The following COLEC10 variants were observed in gnomAD, a reference collection of about 807,000 sequenced individuals.
COLEC10 encodes collectin subfamily member 10.
Under a neutral mutation model 28.4 loss-of-function variants are expected in COLEC10, and 22 were observed. The ratio of observed to expected loss-of-function variants is 0.78; its 90% confidence interval spans 0.55 to 1.11. The LOEUF (loss-of-function observed/expected upper bound fraction) is 1.11. Among genes scored for constraint, COLEC10 ranks in the 50% least tolerant of loss-of-function variants. COLEC10 has a pLI of 0.00. For synonymous variants in COLEC10, 125 were observed against 116.1 expected (o/e 1.08, Z -0.49); for missense variants, 361 against 344.1 (o/e 1.05, Z -0.39).
At chr8:119,041,575 C>T (rs1038704631) in intron 2 of COLEC10, among the ~76,000 whole-genome samples, 9 of 152,116 alleles carry the variant, frequency 5.9e-5, no homozygotes, top group Non-Finnish European at 1.2e-4. Context: ...GAATTTTTTG[C>T]ACCTCATTTT....
intron 3 of COLEC10, among the ~76,000 whole-genome samples, chr8:119,097,705 G>A (rs1298222922): frequency 1.6e-4 from 25 of 151,984 alleles, no homozygotes; most frequent in Admixed American, 1.4e-3. Flanking sequence ...AAGACAGAAA[G>A]GTATAGCAGG....
chr8:119,043,775 G>A (rs1422871943), intron 2 of COLEC10, among the ~76,000 whole-genome samples: 6 of 152,132 alleles, frequency 3.9e-5, no homozygotes, highest in South Asian at 2.1e-4. Context: ...TTCCAAGGCC[G>A]TGATGGAAGA....
chr8:118,964,812 C>T, the COLEC10 span, among the ~76,000 whole-genome samples: 1 of 152,168 alleles, frequency 6.6e-6, no homozygotes, highest in Admixed American at 6.5e-5. Flanking sequence ...TTGCCACCAA[C>T]AGATGGTACA....
upstream of COLEC10, among the ~76,000 whole-genome samples, chr8:118,991,824 TTATATTTATATTCAATTGAA>T (rs139483948): frequency 0.051 from 7,777 of 152,134 alleles, 305 homozygotes; most frequent in East Asian, 0.17. Flanking sequence ...CTGAGATAAA[TTATATTTATATTCAATTGAA>T]TATATTTATA....
chr8:118,979,847 A>G, the COLEC10 span, among the ~76,000 whole-genome samples: 2 of 152,252 alleles, frequency 1.3e-5, no homozygotes, highest in South Asian at 4.1e-4. Context: ...ACCATCAGAC[A>G]TCTTAAAATT....
intron 2 of COLEC10, among the ~76,000 whole-genome samples, chr8:119,044,052 C>T (rs1478418241): frequency 6.6e-6 from 1 of 152,206 alleles, no homozygotes; most frequent in African/African-American, 2.4e-5. Context: ...AACATATTTA[C>T]CATTAGGCTG....
chr8:119,071,292 T>C (rs1815119855), intron 1 of COLEC10, among the ~76,000 whole-genome samples: 1 of 152,260 alleles, frequency 6.6e-6, no homozygotes, highest in Non-Finnish European at 1.5e-5. Context: ...ATTTTGATGT[T>C]TGCTAGCTTT....
At chr8:118,991,761 A>G (rs1284447620), upstream of COLEC10, among the ~76,000 whole-genome samples, 1 of 152,162 alleles carries the variant, frequency 6.6e-6, no homozygotes, top group Admixed American at 6.6e-5. Context: ...AAAGGAGAAA[A>G]TTGATATTAA....
At chr8:119,038,745 A>AT (rs1219669973) in intron 2 of COLEC10, among the ~76,000 whole-genome samples, 1 of 152,164 alleles carries the variant, frequency 6.6e-6, no homozygotes, top group Non-Finnish European at 1.5e-5. Flanking sequence ...AATTGCCAGT[A>AT]TTTCATTCAC....
At chr8:119,001,912 C>T (rs1391207988) in intron 1 of COLEC10, among the ~76,000 whole-genome samples, 4 of 152,172 alleles carry the variant, frequency 2.6e-5, no homozygotes, top group African/African-American at 9.6e-5. Context: ...GCCTGACTAG[C>T]TGAGCTTTGG....
At chr8:119,053,295 G>C (rs1814706539) in intron 2 of COLEC10, among the ~76,000 whole-genome samples, 1 of 152,096 alleles carries the variant, frequency 6.6e-6, no homozygotes, top group African/African-American at 2.4e-5. Context: ...ATGAGCAGCA[G>C]TGAATAGGAA....
the COLEC10 span, among the ~76,000 whole-genome samples, chr8:118,963,949 G>A: frequency 6.6e-6 from 1 of 152,158 alleles, no homozygotes; most frequent in Non-Finnish European, 1.5e-5. Flanking sequence ...GGGGATGCAT[G>A]TTGAACAAAC....
intron 1 of COLEC10, among the ~76,000 whole-genome samples, chr8:119,080,422 T>C (rs1815346111): frequency 6.6e-6 from 1 of 152,146 alleles, no homozygotes; most frequent in South Asian, 2.1e-4. Flanking sequence ...TTGACATTAA[T>C]ACAAACAGTT....
intron 1 of COLEC10, among the ~76,000 whole-genome samples, chr8:119,077,164 A>G (rs1244547072): frequency 2.0e-5 from 3 of 151,912 alleles, no homozygotes; most frequent in East Asian, 1.9e-4. Flanking sequence ...GCTTTCCTCA[A>G]TTGGAGCACA....
At chr8:119,079,980 T>C (rs1815338001) in intron 1 of COLEC10, among the ~76,000 whole-genome samples, 1 of 152,180 alleles carries the variant, frequency 6.6e-6, no homozygotes, top group African/African-American at 2.4e-5. Flanking sequence ...TTACATATTG[T>C]GTTTCCTTGC....
chr8:119,070,819 C>T (rs1157807458), intron 1 of COLEC10, among the ~76,000 whole-genome samples: 3 of 151,892 alleles, frequency 2.0e-5, no homozygotes, highest in Non-Finnish European at 4.4e-5. Context: ...TGATTTTAAC[C>T]AATAAATGTG....
At chr8:118,997,589 G>A (rs117589227) in intron 1 of COLEC10, among the ~76,000 whole-genome samples, 1,966 of 152,242 alleles carry the variant, frequency 0.013, 22 homozygotes, top group Middle Eastern at 0.024. Flanking sequence ...TATGCCTCAA[G>A]TGACATAGCA....
At chr8:119,058,779 C>T (rs562896880) in intron 2 of COLEC10, among the ~76,000 whole-genome samples, 2 of 152,082 alleles carry the variant, frequency 1.3e-5, no homozygotes, top group Non-Finnish European at 2.9e-5. Flanking sequence ...AAGTAGATAT[C>T]TAGGAATTTA....
intron 2 of COLEC10, among the ~76,000 whole-genome samples, chr8:119,029,081 T>C (rs1347531876): frequency 1.7e-4 from 26 of 152,102 alleles, no homozygotes; most frequent in African/African-American, 6.0e-4. Context: ...ATGTGCAACA[T>C]GTAACAGGGG....
Sources: allele counts gnomAD v4.1 joint callset (sites outside exome capture counted in the v4.1 genomes callset), GRCh38; gene constraint gnomAD v4.1.1; transcripts MANE v1.5; gene names NCBI Gene and HGNC (gene_info 2026-07-23, HGNC 2026-07-21).